The following HS6ST3 variants were observed in gnomAD, a reference collection of about 807,000 sequenced individuals.
HS6ST3 encodes heparan sulfate 6-O-sulfotransferase 3, also known as heparan-sulfate 6-O-sulfotransferase 3.
A neutral mutation model predicts 36.7 loss-of-function variants in HS6ST3; 12 were observed. The ratio of observed to expected loss-of-function variants is 0.33; its 90% CI spans 0.21 to 0.53. HS6ST3 has a LOEUF of 0.53. Among genes scored for constraint, HS6ST3 ranks in the 20% least tolerant of loss-of-function variants. HS6ST3 has a pLI of 0.95. For missense variants in HS6ST3, 584 were observed against 640.9 expected (o/e 0.91, Z 0.96); for synonymous variants, 240 against 257.5 (o/e 0.93, Z 0.65).
chr13:96,389,508 A>T (rs1173689925), intron 1 of HS6ST3, among the ~76,000 whole-genome samples: 1 of 152,142 alleles, frequency 6.6e-6, no homozygotes, highest in Non-Finnish European at 1.5e-5. Flanking sequence ...ATAAATAGGA[A>T]TATTTTTCTC....
At chr13:96,342,045 A>G (rs1417652299) in intron 1 of HS6ST3, among the ~76,000 whole-genome samples, 1 of 152,024 alleles carries the variant, frequency 6.6e-6, no homozygotes, top group East Asian at 1.9e-4. Context: ...TCTATTTGTT[A>G]TCTTCTCTCC....
chr13:96,129,608 T>C (rs902473861), intron 1 of HS6ST3, among the ~76,000 whole-genome samples: 1 of 152,232 alleles, frequency 6.6e-6, no homozygotes, highest in Non-Finnish European at 1.5e-5. Flanking sequence ...ATCTGACTTA[T>C]CTTGAGTAAT....
chr13:96,560,550 A>G (rs1162465039), intron 1 of HS6ST3, among the ~76,000 whole-genome samples: 1 of 152,196 alleles, frequency 6.6e-6, no homozygotes, highest in Non-Finnish European at 1.5e-5. Flanking sequence ...AAAGAAGTAA[A>G]AATTCATCCA....
chr13:96,796,091 CA>C (rs753931735), intron 1 of HS6ST3, among the ~76,000 whole-genome samples: 1 of 152,122 alleles, frequency 6.6e-6, no homozygotes, highest in Non-Finnish European at 1.5e-5. Flanking sequence ...TGTTACCTTT[CA>C]GAAGCATTAT....
intron 1 of HS6ST3, among the ~76,000 whole-genome samples, chr13:96,250,320 G>C (rs1336440659): frequency 1.3e-5 from 2 of 152,174 alleles, no homozygotes; most frequent in East Asian, 3.8e-4. Flanking sequence ...CTAACTGCTG[G>C]AACCAGGGAG....
intron 1 of HS6ST3, among the ~76,000 whole-genome samples, chr13:96,346,549 T>G (rs2055155969): frequency 6.7e-6 from 1 of 148,520 alleles, no homozygotes; most frequent in African/African-American, 2.5e-5. Context: ...CACTGCAGCC[T>G]GGGCGACAGA....
intron 1 of HS6ST3, among the ~76,000 whole-genome samples, chr13:96,602,424 G>T (rs1017882197): frequency 6.6e-6 from 1 of 151,954 alleles, no homozygotes; most frequent in Non-Finnish European, 1.5e-5. Flanking sequence ...ACTGATTTTG[G>T]CTGGGAAATT....
At chr13:96,554,795 G>T (rs963172289) in intron 1 of HS6ST3, among the ~76,000 whole-genome samples, 19 of 151,962 alleles carry the variant, frequency 1.3e-4, no homozygotes, top group Non-Finnish European at 2.4e-4. Flanking sequence ...ATGGCCAGGC[G>T]CAGTGGCTCA....
intron 1 of HS6ST3, among the ~76,000 whole-genome samples, chr13:96,632,468 G>A (rs780568883): frequency 2.6e-5 from 4 of 152,100 alleles, no homozygotes; most frequent in Non-Finnish European, 4.4e-5. Flanking sequence ...GGGGCTCCTG[G>A]ATATCAGCTA....
chr13:96,604,447 A>G (rs902409551), intron 1 of HS6ST3, among the ~76,000 whole-genome samples: 2 of 152,180 alleles, frequency 1.3e-5, no homozygotes, highest in Admixed American at 6.5e-5. Flanking sequence ...TGAGATGACA[A>G]TGCATATTGG....
At chr13:96,139,083 T>C (rs1017672347) in intron 1 of HS6ST3, among the ~76,000 whole-genome samples, 2 of 152,166 alleles carry the variant, frequency 1.3e-5, no homozygotes, top group African/African-American at 2.4e-5. Context: ...GCATTTCCAC[T>C]TGGCTGAGGA....
In HS6ST3 at chr13:96,313,975, T is replaced by C. The variant is rs9556558; in HGVS notation, c.707+222406T>C. On this transcript the variant is annotated intron_variant, in intron 1 of 1. Coordinates refer to ENST00000376705, the MANE Select transcript of HS6ST3 (RefSeq NM_153456.4). The stretch of plus-strand genomic sequence containing the variant: ...CAGCACCTTGGGAAACCAAGGCGGG[T>C]GGAACACCTGAGGTCAAGAGTTCAA... Among the ~76,000 whole-genome samples, 14 of 152,066 alleles carry C rather than the reference T, an allele frequency of 9.2e-5. 1 individual carries two copies. In the East Asian group the frequency reaches 2.7e-3, roughly 29 times the overall value.
intron 1 of HS6ST3, among the ~76,000 whole-genome samples, chr13:96,418,494 G>A (rs1394211469): frequency 6.6e-6 from 1 of 152,140 alleles, no homozygotes; most frequent in Non-Finnish European, 1.5e-5. Context: ...TCCAAAGCCT[G>A]GAAATGGCAT....
chr13:96,123,817 A>G (rs2053938003), intron 1 of HS6ST3, among the ~76,000 whole-genome samples: 1 of 152,108 alleles, frequency 6.6e-6, no homozygotes, highest in Non-Finnish European at 1.5e-5. Context: ...CTATACCTTA[A>G]TTTTCACAAT....
intron 1 of HS6ST3, among the ~76,000 whole-genome samples, chr13:96,535,090 G>A (rs951252991): frequency 6.6e-6 from 1 of 152,192 alleles, no homozygotes; most frequent in African/African-American, 2.4e-5. Flanking sequence ...TGGAGGGTAA[G>A]TCATTGTAGG....
At chr13:96,694,794 G>C (rs144521979) in intron 1 of HS6ST3, among the ~76,000 whole-genome samples, 1 of 152,146 alleles carries the variant, frequency 6.6e-6, no homozygotes, top group African/African-American at 2.4e-5. Context: ...GATCAGTGAT[G>C]TTGAGCTTTT....
At chr13:96,740,095 C>G (rs532770450) in intron 1 of HS6ST3, among the ~76,000 whole-genome samples, 3 of 152,188 alleles carry the variant, frequency 2.0e-5, no homozygotes, top group Admixed American at 2.0e-4. Context: ...GATTTTTTCT[C>G]CATAGTAACA....
chr13:96,325,475 C>G (rs2055026040), intron 1 of HS6ST3, among the ~76,000 whole-genome samples: 1 of 151,994 alleles, frequency 6.6e-6, no homozygotes, highest in Admixed American at 6.5e-5. Flanking sequence ...AAAAACAACA[C>G]AATAGAATAA....
chr13:96,426,545 T>G lies in HS6ST3; in HGVS notation c.707+334976T>G, dbSNP rs1566357899. Reference sequence around the variant, plus strand: ...GTTTATTTTCAATTAGAGTCTTACATAGCTTGATGGTTTCCCTTTGCCATT... The same window carrying G: ...GTTTATTTTCAATTAGAGTCTTACAGAGCTTGATGGTTTCCCTTTGCCATT... On this transcript the variant is annotated intron_variant, in intron 1 of 1. Coordinates refer to ENST00000376705, the MANE Select transcript of HS6ST3 (RefSeq NM_153456.4). Among the ~76,000 whole-genome samples, 4 of 152,342 alleles carry G rather than the reference T, an allele frequency of 2.6e-5. No homozygotes were observed. The South Asian group carries it at 8.3e-4, about 32-fold the overall frequency.
Sources: allele counts gnomAD v4.1 joint callset (sites outside exome capture counted in the v4.1 genomes callset), GRCh38; gene constraint gnomAD v4.1.1; transcripts MANE v1.5; gene names NCBI Gene and HGNC (gene_info 2026-07-23, HGNC 2026-07-21).